ATOSA: variants seen among roughly 807,000 people sequenced by gnomAD.
The protein encoded by ATOSA is atos homolog protein A.
chr15:52,673,316 C>A, the ATOSA span, among the ~76,000 whole-genome samples: 1 of 152,320 alleles, frequency 6.6e-6, no homozygotes, highest in African/African-American at 2.4e-5. Context: ...TATTTTTAAA[C>A]CACTTTGGTC....
At chr15:52,662,546 G>A in the ATOSA span, among the ~76,000 whole-genome samples, 27 of 152,104 alleles carry the variant, frequency 1.8e-4, no homozygotes, top group South Asian at 8.3e-4. Context: ...CAAGGAGGGC[G>A]GATCACAAGG....
At chr15:52,646,229 G>A in the ATOSA span, among the ~76,000 whole-genome samples, 6 of 152,118 alleles carry the variant, frequency 3.9e-5, no homozygotes, top group East Asian at 1.9e-4. Context: ...AAAAGTGGAC[G>A]GAAGACAGGT....
At chr15:52,585,014 C>A in the ATOSA span, 3 of 1,308,532 alleles carry the variant, frequency 2.3e-6, no homozygotes, top group Admixed American at 2.4e-5. Context: ...ATGATTGTGC[C>A]AATAATCAAA....
chr15:52,595,691 T>C, the ATOSA span, among the ~76,000 whole-genome samples: 1 of 152,344 alleles, frequency 6.6e-6, no homozygotes, highest in Admixed American at 6.5e-5. Flanking sequence ...TGGCGATTTT[T>C]TGTAGATAAC....
the ATOSA span, among the ~76,000 whole-genome samples, chr15:52,591,442 G>C: frequency 6.6e-6 from 1 of 152,120 alleles, no homozygotes; most frequent in Non-Finnish European, 1.5e-5. Context: ...ATGTTGGCTA[G>C]GCTGGTCTTG....
the ATOSA span, among the ~76,000 whole-genome samples, chr15:52,695,942 C>T: frequency 6.6e-6 from 1 of 152,110 alleles, no homozygotes; most frequent in East Asian, 1.9e-4. Context: ...AGCTGCAACT[C>T]AATGAATGTG....
chr15:52,691,759 C>T, the ATOSA span, among the ~76,000 whole-genome samples: 42,451 of 151,776 alleles, frequency 0.28, 6,798 homozygotes, highest in East Asian at 0.58. Flanking sequence ...CACTTGAGCC[C>T]GGGGGGTCAA....
chr15:52,600,792 TG>T, the ATOSA span, among the ~76,000 whole-genome samples: 5 of 151,482 alleles, frequency 3.3e-5, no homozygotes, highest in Admixed American at 2.6e-4. Context: ...TGGCCAAGGT[TG>T]TTTTTTTTTT....
chr15:52,683,529 A>G, the ATOSA span, among the ~76,000 whole-genome samples: 4 of 152,322 alleles, frequency 2.6e-5, no homozygotes, highest in Admixed American at 2.0e-4. Flanking sequence ...TTATATGCAC[A>G]CCCCAAAGAG....
chr15:52,676,069 T>C, the ATOSA span, among the ~76,000 whole-genome samples: 2 of 151,728 alleles, frequency 1.3e-5, no homozygotes, highest in Admixed American at 6.6e-5. Context: ...AAAATCAGAA[T>C]AAAAAAAGAT....
chr15:52,669,503 G>T, the ATOSA span, among the ~76,000 whole-genome samples: 1 of 152,128 alleles, frequency 6.6e-6, no homozygotes, highest in African/African-American at 2.4e-5. Flanking sequence ...CTTCACAAAA[G>T]AAAATTGCTA....
chr15:52,643,370 C>T, the ATOSA span, among the ~76,000 whole-genome samples: 1 of 152,076 alleles, frequency 6.6e-6, no homozygotes. Flanking sequence ...TACCTCACTG[C>T]AGCCCTGAAC....
the ATOSA span, among the ~76,000 whole-genome samples, chr15:52,643,347 A>G: frequency 6.6e-6 from 1 of 152,178 alleles, no homozygotes; most frequent in Non-Finnish European, 1.5e-5. Flanking sequence ...GCTGGAGTAC[A>G]GTGGCACAAT....
chr15:52,636,160 AAAAT>A, the ATOSA span, among the ~76,000 whole-genome samples: 2,716 of 147,678 alleles, frequency 0.018, 87 homozygotes, highest in African/African-American at 0.062. Flanking sequence ...ATAAATAATA[AAAAT>A]AAATAAATAA....
chr15:52,672,538 A>G, the ATOSA span, among the ~76,000 whole-genome samples: 1 of 151,414 alleles, frequency 6.6e-6, no homozygotes, highest in Non-Finnish European at 1.5e-5. Context: ...TCTGAGTTTA[A>G]TATTTCCAGT....
the ATOSA span, among the ~76,000 whole-genome samples, chr15:52,664,951 G>A: frequency 3.1e-5 from 1 of 32,594 alleles, no homozygotes. Context: ...TGTTGGGGGT[G>A]GGGGGGTGCA....
At chr15:52,631,808 T>C in the ATOSA span, among the ~76,000 whole-genome samples, 1 of 152,198 alleles carries the variant, frequency 6.6e-6, no homozygotes, top group Non-Finnish European at 1.5e-5. Context: ...GAATAGGCAG[T>C]CCCATTGTAA....
chr15:52,596,447 G>C, the ATOSA span, among the ~76,000 whole-genome samples: 1 of 152,164 alleles, frequency 6.6e-6, no homozygotes, highest in Non-Finnish European at 1.5e-5. Flanking sequence ...ATGCGTAAAA[G>C]GGAACCTTGA....
At chr15:52,663,173 T>C in the ATOSA span, among the ~76,000 whole-genome samples, 2 of 152,156 alleles carry the variant, frequency 1.3e-5, no homozygotes, top group African/African-American at 4.8e-5. Flanking sequence ...CTGATCAGAA[T>C]GTCCTTCCTT....
Sources: gnomAD v4.1 joint callset for allele counts (sites outside exome capture counted in the v4.1 genomes callset) on GRCh38, gnomAD v4.1.1 for gene constraint, MANE v1.5 for transcripts, NCBI Gene and HGNC (gene_info 2026-07-23, HGNC 2026-07-21) for gene names.